Variants in CUL9 observed in about 807,000 individuals in gnomAD.
CUL9 encodes cullin 9.
CUL9 carries 79 observed loss-of-function variants against 272.6 expected under a neutral mutation model. The ratio of observed to expected loss-of-function variants is 0.29; its 90% CI spans 0.24 to 0.35. The LOEUF is 0.35. Among genes scored for constraint, CUL9 ranks in the 10% least tolerant of loss-of-function variants. The pLI is 1.00. For synonymous variants in CUL9, 1,186 were observed against 1,286.5 expected (o/e 0.92, Z 1.67); for missense variants, 2,532 against 3,255.6 (o/e 0.78, Z 5.41).
chr6:43,222,871 C>T lies in CUL9; in HGVS notation c.7125C>T (p.His2375=), dbSNP rs1292406205. 20 of 1,613,786 alleles carry T rather than the reference C, an allele frequency of 1.2e-5. No individual in the cohort carries two copies. The highest frequency in any genetic ancestry group is 1.4e-5 in the Non-Finnish European group (17 of 1,179,842). The change falls in exon 38 of 41, where the codon CAC becomes CAT. Residue 2375 remains histidine, a synonymous_variant. Coordinates refer to ENST00000252050, the MANE Select transcript of CUL9 (RefSeq NM_015089.4). The part of the protein sequence containing the change: ...VEQQTENLEL[H]TNALQILLEE... ...AGCAGACAGAGAACCTGGAGCTGCACACCAATGCCCTGCAGATCCTCCTGG... is the reference window on the plus strand; with the variant it reads ...AGCAGACAGAGAACCTGGAGCTGCATACCAATGCCCTGCAGATCCTCCTGG...
intron 20 of CUL9, 115 bp downstream of exon 20, chr6:43,204,102 C>A: frequency 7.4e-7 from 1 of 1,344,084 alleles, no homozygotes; most frequent in Non-Finnish European, 1.0e-6. Context: ...GAAGGCCTGT[C>A]ACCTCAGTGT....
Position 43,223,491 on chromosome 6 carries a change from A to ATGTTGGGTCCTTTTGCCTCCC in CUL9, c.7284+94_7284+95insTGTTGGGTCCTTTTGCCTCCC. On this transcript the variant is annotated intron_variant, in intron 39 of 40. Coordinates refer to ENST00000252050, the MANE Select transcript of CUL9 (RefSeq NM_015089.4). This position sits in a 1 kb window ranked among gnomAD's most constrained non-coding sequence, Gnocchi z 4.1. The stretch of plus-strand genomic sequence containing the variant: ...AGCCCCTGCCCTGGGGCGAGTCCAG[A>ATGTTGGGTCCTTTTGCCTCCC]AGGAAAGGCAGCAAAGCGGGTGAAT... The ATGTTGGGTCCTTTTGCCTCCC allele has an allele frequency of 4.8e-6, 7 of 1,459,758 alleles. No homozygotes were observed. In the African/African-American group the frequency reaches 1.0e-4, roughly 21 times the overall value. 90.4% of individuals were successfully genotyped at this position (1,459,758 alleles called of 1,614,324 possible). A position where few individuals can be genotyped will look rare whatever the true frequency, so the allele number is the denominator to read the frequency against.
rs756385330 is a variant in CUL9, at chr6:43,213,792, C to T, written c.5568C>T (p.Asn1856=). The T allele has an allele frequency of 2.0e-5, 32 of 1,614,000 alleles. No homozygotes were observed. Among genetic ancestry groups the T allele is most frequent in the Admixed American group, 1.2e-4 (7 of 59,998 alleles). The change falls in exon 29 of 41, where the codon AAC becomes AAT. Residue 1856 remains asparagine (N), a synonymous_variant. Coordinates refer to ENST00000252050, the MANE Select transcript of CUL9 (RefSeq NM_015089.4). The surrounding 1 kb of genome is among the most constrained non-coding windows in gnomAD (Gnocchi z 5.7). ...TGATACCTCCCCAGGCATACCTGAA[C>T]GTAGAGAAGGATGAAGGCCGAACCC... ...LWLIPPQAYL[N]VEKDEGRTLE...
intron 26 of CUL9, chr6:43,212,799 G>A (rs1775625490): frequency 4.5e-6 from 1 of 222,954 alleles, no homozygotes; most frequent in Non-Finnish European, 8.9e-6. Context: ...CACCTTGCCT[G>A]AGCTGTGAAA....
At chr6:43,215,663 T>C (rs1284472662) in intron 30 of CUL9, among the ~76,000 whole-genome samples, 1 of 152,268 alleles carries the variant, frequency 6.6e-6, no homozygotes, top group Non-Finnish European at 1.5e-5. Context: ...GAAGCTGTTA[T>C]GGCCCTGCTT....
At position 43,196,123 on chromosome 6, in the gene CUL9, G is replaced by A; in HGVS notation, c.2443G>A (p.Gly815Ser). Residue 815 changes from glycine (G) to serine (S), a missense_variant, in exon 10 of 41, where the codon GGC becomes AGC. This residue lies in a region of CUL9 where 2,218 missense variants were observed against 2,788.6 expected (regional missense o/e 0.80). Coordinates refer to ENST00000252050, the MANE Select transcript of CUL9 (RefSeq NM_015089.4). ...CTCGGAGATCCCCACTTTTGTTACT[G>A]GCCGAGATTCTATCCACTCTTTGTT... is the stretch of plus-strand genomic sequence containing the variant. ...SSSEIPTFVT[G>S]RDSIHSLFDA... is the part of the protein sequence containing the mutation. 1.2e-6 allele frequency: 2 copies of A among 1,614,094 alleles called. No homozygotes were observed. Among genetic ancestry groups the A allele is most frequent in the East Asian group, 4.5e-5 (2 of 44,880 alleles).
In CUL9 at chr6:43,186,453, C is replaced by G; in HGVS notation, c.1249C>G (p.Gln417Glu). The G allele has an allele frequency of 6.3e-7, 1 of 1,584,298 alleles. No individual in the cohort carries two copies. The change falls in exon 4 of 41, where the codon CAG becomes GAG. Residue 417 changes from glutamine to glutamate, a missense_variant and splice_region_variant. Around this residue, in one of 3 missense-constraint regions of CUL9, gnomAD observed 2,218 missense variants for 2,788.6 expected, o/e 0.80. Coordinates refer to ENST00000252050, the MANE Select transcript of CUL9 (RefSeq NM_015089.4). ...GAGCAACAACGGCATTCCCCCTGTGCAGGTGGGCAGCACATGGTGGTGAGA... is the reference window on the plus strand; with the variant it reads ...GAGCAACAACGGCATTCCCCCTGTGGAGGTGGGCAGCACATGGTGGTGAGA... ...RQSNNGIPPV[Q>E]VFWQSTGRTY... is the part of the protein sequence containing the mutation.
At chr6:43,211,133 C>T (rs1562050814) in intron 26 of CUL9, among the ~76,000 whole-genome samples, 1 of 152,182 alleles carries the variant, frequency 6.6e-6, no homozygotes, top group Non-Finnish European at 1.5e-5. Context: ...TTAGAATTAT[C>T]TTTTTTTAAC....
At position 43,187,528 on chromosome 6, in the gene CUL9, A is replaced by C. The variant is rs936022397; in HGVS notation, c.1581+89A>C. 7 of 1,424,680 alleles carry C rather than the reference A, an allele frequency of 4.9e-6. No homozygotes were observed. In the Admixed American group the frequency reaches 9.6e-5, roughly 19 times the overall value. The allele number at this position is 1,424,680 out of a possible 1,614,324, so 88.3% of individuals were successfully genotyped here. A position where few individuals can be genotyped will look rare whatever the true frequency, so the allele number is the denominator to read the frequency against. The stretch of plus-strand genomic sequence containing the variant: ...GAGTTTCAGATAGGGGTTACCGCTT[A>C]GGGGGAGGCTGGAGCTAGAGATTAG... On this transcript the variant is annotated intron_variant, in intron 6 of 40. Coordinates refer to ENST00000252050, the MANE Select transcript of CUL9 (RefSeq NM_015089.4).
Position 43,218,448 on chromosome 6 carries a change from C to T in CUL9, c.6282+1945C>T, listed in dbSNP as rs1776092624. ...AGCCAGGATGGTCTCGATCTCCTGA[C>T]CTCGTGATCCACCCACCTCAGCCTC... On this transcript the variant is annotated intron_variant, in intron 31 of 40. Coordinates refer to ENST00000252050, the MANE Select transcript of CUL9 (RefSeq NM_015089.4). This position sits in a 1 kb window ranked among gnomAD's most constrained non-coding sequence, Gnocchi z 4.4. 6.6e-6 allele frequency among the ~76,000 whole-genome samples: 1 copy of T among 151,528 alleles called. No individual in the cohort carries two copies.
At chr6:43,188,989 A>G (rs1046647721) in intron 8 of CUL9, 6 of 288,018 alleles carry the variant, frequency 2.1e-5, no homozygotes, top group Admixed American at 1.5e-4. Flanking sequence ...TTATCCTACT[A>G]TATGGGTGAG....
chr6:43,196,586 G>T, intron 10 of CUL9, 59 bp from the exon 11 acceptor site: 1 of 1,445,974 alleles, frequency 6.9e-7, no homozygotes, highest in Non-Finnish European at 9.7e-7. Flanking sequence ...TGCTTGCTTT[G>T]CTGCTTCCAT....
rs761329486 is a variant in CUL9 at position 43,188,206 on chromosome 6, A to G, written c.1987+88A>G. On this transcript the variant is annotated intron_variant, in intron 7 of 40. Transcript: ENST00000252050. ...GGATAGTCAGGATCGAAGGAAAGCCATGGAGGAAGGTGATTTTTGCAGGGG... is the reference window on the plus strand; with the variant it reads ...GGATAGTCAGGATCGAAGGAAAGCCGTGGAGGAAGGTGATTTTTGCAGGGG... 4.0e-6 allele frequency: 6 copies of G among 1,490,132 alleles called. No homozygotes were observed. The Admixed American group carries it at 6.1e-5, about 15-fold the overall frequency. 92.3% of individuals were successfully genotyped at this position (1,490,132 alleles called of 1,614,324 possible).
intron 1 of CUL9, 42 bp downstream of exon 1, chr6:43,182,291 C>A (rs1180302331): frequency 6.6e-6 from 1 of 152,368 alleles, no homozygotes; most frequent in African/African-American, 2.4e-5. Context: ...CTCCCCTTCT[C>A]CTGTCCCCTC....
chr6:43,207,606 A>G (rs945717848), intron 26 of CUL9, among the ~76,000 whole-genome samples: 5 of 152,096 alleles, frequency 3.3e-5, no homozygotes, highest in African/African-American at 1.2e-4. Context: ...GAATTGTTAA[A>G]TTTCTATTAT....
Position 43,215,202 on chromosome 6 carries a change from T to C in CUL9, c.5812T>C (p.Tyr1938His). ...SCILHLLGQGYVKRRDDRPQI... is the reference protein window; with the variant it reads ...SCILHLLGQGHVKRRDDRPQI... ...CATCCTGCACCTCTTAGGCCAGGGCTACGTGAAACGGCGTGATGACCGGCC... is the reference window on the plus strand; with the variant it reads ...CATCCTGCACCTCTTAGGCCAGGGCCACGTGAAACGGCGTGATGACCGGCC... The change falls in exon 30 of 41, where the codon TAC becomes CAC. Residue 1938 changes from tyrosine (Y) to histidine (H), a missense_variant. By Grantham distance (83) the Tyr-to-His change is moderately conservative. Transcript: ENST00000252050. 1.2e-6 allele frequency: 2 copies of C among 1,614,212 alleles called. No homozygotes were observed. The highest frequency in any genetic ancestry group is 1.7e-6 in the Non-Finnish European group (2 of 1,180,036).
rs776281683 is a variant in CUL9, at chr6:43,213,853, G to T, written c.5629G>T (p.Val1877Phe). ...QKRNLLSCLL[V>F]RILKAHGEKG... ...GAGGAATCTCTTGAGCTGTCTTCTT[G>T]TTCGTATTCTCAAAGCCCATGGGGA... The change falls in exon 29 of 41, where the codon GTT becomes TTT. Residue 1877 changes from valine to phenylalanine, a missense_variant. Coordinates refer to ENST00000252050, the MANE Select transcript of CUL9 (RefSeq NM_015089.4). This position sits in a 1 kb window ranked among gnomAD's most constrained non-coding sequence, Gnocchi z 5.7. 2 of 1,614,226 alleles carry T rather than the reference G, an allele frequency of 1.2e-6. No homozygotes were observed. Among genetic ancestry groups the T allele is most frequent in the Admixed American group, 3.3e-5 (2 of 60,028 alleles).
intron 9 of CUL9, among the ~76,000 whole-genome samples, chr6:43,193,666 C>T (rs1051987598): frequency 6.6e-6 from 1 of 152,090 alleles, no homozygotes; most frequent in Admixed American, 6.6e-5. Context: ...CCTGCCTTAG[C>T]CTCCTGGGAT....
rs747458428 is a variant in CUL9 at position 43,213,564 on chromosome 6, G to A, written c.5485G>A (p.Gly1829Arg). 7.5e-6 allele frequency: 12 copies of A among 1,610,716 alleles called. No homozygotes were observed. The highest frequency in any genetic ancestry group is 1.4e-5 in the African/African-American group (1 of 73,886). ...GCATGAGGGCCAGGACTTTCCACAC[G>A]GGGGTAGGTCATTGGGGGCCGGGCT... is the stretch of plus-strand genomic sequence containing the variant. ...TLHEGQDFPH[G>R]GVLRLHEPGP... The change falls in exon 28 of 41, where the codon GGG becomes AGG. Residue 1829 changes from glycine to arginine, a missense_variant. This residue lies in a region of CUL9 where 2,218 missense variants were observed against 2,788.6 expected (regional missense o/e 0.80). Coordinates refer to ENST00000252050, the MANE Select transcript of CUL9 (RefSeq NM_015089.4). This position sits in a 1 kb window ranked among gnomAD's most constrained non-coding sequence, Gnocchi z 5.7.
Sources: gnomAD v4.1 joint callset for allele counts (sites outside exome capture counted in the v4.1 genomes callset) on GRCh38, gnomAD v4.1.1 for gene constraint, gnomAD v4.1.1 regional missense constraint, Gnocchi (gnomAD v3.1) non-coding constraint, MANE v1.5 for transcripts, NCBI Gene and HGNC (gene_info 2026-07-23, HGNC 2026-07-21) for gene names.